LOC400499: variants seen among roughly 807,000 people sequenced by gnomAD.
the LOC400499 span, chr16:11,401,194 AG>A: frequency 2.5e-6 from 1 of 398,852 alleles, no homozygotes; most frequent in Non-Finnish European, 4.4e-6. Flanking sequence ...AGAGGTGCCC[AG>A]CCCCACAGGC....
At chr16:11,491,914 G>A in the LOC400499 span, 1 of 397,444 alleles carries the variant, frequency 2.5e-6, no homozygotes, top group African/African-American at 2.1e-5. Context: ...TGATGTCCCT[G>A]GCTGCAGCAG....
chr16:11,404,223 G>T, the LOC400499 span, among the ~76,000 whole-genome samples: 2 of 152,160 alleles, frequency 1.3e-5, no homozygotes, highest in Non-Finnish European at 2.9e-5. Flanking sequence ...AAATGGTCAT[G>T]CTTGACGTTA....
the LOC400499 span, among the ~76,000 whole-genome samples, chr16:11,498,162 T>G: frequency 1.3e-5 from 2 of 152,070 alleles, no homozygotes; most frequent in African/African-American, 4.8e-5. Flanking sequence ...TTCACCAACA[T>G]GAAGAACTTT....
chr16:11,392,271 G>T, the LOC400499 span: 3 of 398,920 alleles, frequency 7.5e-6, no homozygotes, highest in East Asian at 1.1e-4. Context: ...CTGCCCAGTG[G>T]GAGAACGGTA....
chr16:11,435,501 C>T, the LOC400499 span, among the ~76,000 whole-genome samples: 1 of 152,222 alleles, frequency 6.6e-6, no homozygotes, highest in Non-Finnish European at 1.5e-5. Context: ...GAACACCACC[C>T]TCTTTTCATG....
At chr16:11,436,351 C>G in the LOC400499 span, among the ~76,000 whole-genome samples, 2 of 152,004 alleles carry the variant, frequency 1.3e-5, no homozygotes, top group African/African-American at 4.8e-5. Context: ...ATCTGGGTAC[C>G]CAAGTGGTCA....
chr16:11,415,953 T>C, the LOC400499 span, among the ~76,000 whole-genome samples: 291 of 87,280 alleles, frequency 3.3e-3, 1 homozygote, highest in Non-Finnish European at 4.3e-3. Context: ...TTTGCTGTTG[T>C]TGTTTTGTTT....
the LOC400499 span, among the ~76,000 whole-genome samples, chr16:11,525,168 C>G: frequency 6.6e-6 from 1 of 151,816 alleles, no homozygotes. Flanking sequence ...CCTGTGGTCC[C>G]AGCTACTCGT....
chr16:11,393,320 A>C, the LOC400499 span: 15 of 1,168,766 alleles, frequency 1.3e-5, no homozygotes, highest in Admixed American at 4.3e-5. Flanking sequence ...TAACGCCCAG[A>C]CCCCCGTCCT....
the LOC400499 span, among the ~76,000 whole-genome samples, chr16:11,378,595 C>A: frequency 5.9e-5 from 9 of 152,260 alleles, no homozygotes; most frequent in African/African-American, 1.9e-4. Flanking sequence ...TGTACAGCTA[C>A]AAATTTCCCT....
the LOC400499 span, chr16:11,387,167 T>C: frequency 8.1e-7 from 1 of 1,232,218 alleles, no homozygotes; most frequent in Non-Finnish European, 1.0e-6. Context: ...AGCCAGCACG[T>C]TGGCCCCAGA....
the LOC400499 span, chr16:11,448,159 C>A: frequency 3.5e-6 from 5 of 1,436,102 alleles, no homozygotes; most frequent in Non-Finnish European, 3.7e-6. Context: ...GAGGTAGCCC[C>A]CCACAACCTG....
the LOC400499 span, chr16:11,467,300 GT>G: frequency 0.03 from 3,495 of 117,640 alleles, 156 homozygotes; most frequent in African/African-American, 0.095. Context: ...TCCTCACAGA[GT>G]TAAAAAAAAA....
At chr16:11,446,349 G>C in the LOC400499 span, among the ~76,000 whole-genome samples, 1 of 152,002 alleles carries the variant, frequency 6.6e-6, no homozygotes, top group Non-Finnish European at 1.5e-5. Context: ...GTAGAAACAG[G>C]GTTTCCATAT....
At chr16:11,519,172 A>G in the LOC400499 span, among the ~76,000 whole-genome samples, 7 of 152,286 alleles carry the variant, frequency 4.6e-5, no homozygotes, top group East Asian at 1.4e-3. Context: ...TCAAGTACCT[A>G]CAGCTCCCTG....
the LOC400499 span, among the ~76,000 whole-genome samples, chr16:11,486,957 ATGGG>A: frequency 8.7e-4 from 6 of 6,860 alleles, no homozygotes; most frequent in South Asian, 6.5e-3. Context: ...TCAATGGATA[ATGGG>A]TGGGTGGGTG....
the LOC400499 span, among the ~76,000 whole-genome samples, chr16:11,479,882 C>A: frequency 2.0e-5 from 3 of 152,158 alleles, no homozygotes; most frequent in East Asian, 1.9e-4. Context: ...TTGCTGTATC[C>A]CCCTGGTCTC....
the LOC400499 span, chr16:11,487,443 C>T: frequency 1.5e-5 from 6 of 398,514 alleles, no homozygotes; most frequent in African/African-American, 2.1e-5. Flanking sequence ...TGGGGTCTGG[C>T]TATTACCACA....
chr16:11,385,343 G>A, the LOC400499 span: 15 of 1,232,164 alleles, frequency 1.2e-5, no homozygotes, highest in African/African-American at 4.7e-5. Flanking sequence ...GGATGCTGCC[G>A]CACTGGGTGC....
Sources: allele counts gnomAD v4.1 joint callset (sites outside exome capture counted in the v4.1 genomes callset), GRCh38; gene constraint gnomAD v4.1.1; transcripts MANE v1.5.